Variants in FAM3C observed in about 807,000 individuals in gnomAD.
FAM3C encodes protein FAM3C.
Under a neutral mutation model 32.5 loss-of-function variants are expected in FAM3C, and 15 were observed. That is an observed-to-expected ratio of 0.46 (90% confidence interval 0.31 to 0.71). FAM3C has a LOEUF of 0.71. Ranked by LOEUF, FAM3C falls within the 30% of genes least tolerant of loss-of-function variation. The pLI is 0.05. For missense variants in FAM3C, 175 were observed against 274.4 expected, an observed-to-expected ratio of 0.64 and a Z score of 2.56; for synonymous variants, 75 against 86.1, an observed-to-expected ratio of 0.87 and a Z score of 0.72.
At chr7:121,377,478 T>C (rs1794261625) in intron 3 of FAM3C, among the ~76,000 whole-genome samples, 1 of 152,238 alleles carries the variant, frequency 6.6e-6, no homozygotes, top group African/African-American at 2.4e-5. Context: ...TTTCTAGGGT[T>C]TATAGTATCA....
chr7:121,390,855 G>GA (rs1794561876), intron 1 of FAM3C, among the ~76,000 whole-genome samples: 1 of 18,046 alleles, frequency 5.5e-5, no homozygotes, highest in Admixed American at 2.5e-4. Flanking sequence ...GTGTGGGGCG[G>GA]GGGGGGGGGG....
Position 121,370,301 on chromosome 7 carries a change from T to G in FAM3C, c.272+999A>C, listed in dbSNP as rs1794120087. ...CAAGCCCTTAATTTTACAAGAAAAG[T>G]GTTGTCCCATGAAGCTCAATAAACT... is the stretch of plus-strand genomic sequence containing the variant. On this transcript the variant is annotated intron_variant, in intron 5 of 9. Coordinates refer to ENST00000359943, the MANE Select transcript of FAM3C (RefSeq NM_014888.3). 5.3e-5 allele frequency among the ~76,000 whole-genome samples: 8 copies of G among 152,226 alleles called. No homozygotes were observed. The South Asian group carries it at 1.7e-3, about 32-fold the overall frequency.
intron 8 of FAM3C, among the ~76,000 whole-genome samples, chr7:121,358,222 C>T (rs990710700): frequency 2.0e-5 from 3 of 152,186 alleles, no homozygotes; most frequent in East Asian, 1.9e-4. Context: ...TAAAGTATCA[C>T]TGTTTTCATG....
intron 3 of FAM3C, among the ~76,000 whole-genome samples, chr7:121,378,618 G>A (rs576142741): frequency 6.6e-6 from 1 of 152,244 alleles, no homozygotes; most frequent in East Asian, 1.9e-4. Flanking sequence ...AAGCCTGGAG[G>A]TATTTTATGT....
chr7:121,365,741 A>G (rs1794012482), intron 5 of FAM3C, among the ~76,000 whole-genome samples: 1 of 152,168 alleles, frequency 6.6e-6, no homozygotes, highest in South Asian at 2.1e-4. Context: ...TAAAACAGGA[A>G]CCAACTACAC....
Position 121,351,280 on chromosome 7 carries a change from G to T in FAM3C, c.468-11C>A. 6.2e-7 allele frequency: 1 copy of T among 1,611,980 alleles called. No homozygotes were observed. The highest frequency in any genetic ancestry group is 8.5e-7 in the Non-Finnish European group (1 of 1,178,802). On this transcript the variant is annotated splice_polypyrimidine_tract_variant and intron_variant, in intron 8 of 9. Transcript: ENST00000359943. The stretch of plus-strand genomic sequence containing the variant: ...GCCTCATCATTGAGTCTTGAAGAGG[G>T]AGAGAAAGAATACAACAATAAACAG...
At chr7:121,388,490 A>G (rs1794511536) in intron 1 of FAM3C, among the ~76,000 whole-genome samples, 1 of 152,148 alleles carries the variant, frequency 6.6e-6, no homozygotes, top group African/African-American at 2.4e-5. Flanking sequence ...TTTTCAAAAG[A>G]TCACCAATGA....
At position 121,373,348 on chromosome 7, in the gene FAM3C, T is replaced by C. The variant is rs557124137; in HGVS notation, c.119-1209A>G. 5.9e-5 allele frequency among the ~76,000 whole-genome samples: 9 copies of C among 152,304 alleles called. No homozygotes were observed. The South Asian group carries it at 1.9e-3, about 32-fold the overall frequency. ...CAATACACATCAAAATCAAAAGCCCTGTACTAAGTCTGCAATTCTGAAAAC... is the reference window on the plus strand; with the variant it reads ...CAATACACATCAAAATCAAAAGCCCCGTACTAAGTCTGCAATTCTGAAAAC... On this transcript the variant is annotated intron_variant, in intron 3 of 9. Transcript: ENST00000359943.
At chr7:121,390,266 C>T (rs1438074101) in intron 1 of FAM3C, among the ~76,000 whole-genome samples, 1 of 152,180 alleles carries the variant, frequency 6.6e-6, no homozygotes, top group African/African-American at 2.4e-5. Flanking sequence ...CTTACAACCA[C>T]ATTTTTATTT....
At position 121,349,989 on chromosome 7, in the gene FAM3C, A is replaced by T. The variant is rs2116856668; in HGVS notation, c.*472T>A. ...GTACATCAGGAGAGTCGGACTGTAA[A>T]GTAACATTACACACACAACTAGCCA... On this transcript the variant is annotated 3_prime_UTR_variant, in exon 10 of 10. Transcript: ENST00000359943. 6.7e-6 allele frequency: 1 copy of T among 150,348 alleles called. No homozygotes were observed. Among genetic ancestry groups the T allele is most frequent in the East Asian group, 1.9e-4 (1 of 5,262 alleles). 9.3% of individuals were successfully genotyped at this position (150,348 alleles called of 1,614,324 possible).
At chr7:121,359,283 T>C (rs2536170) in intron 8 of FAM3C, among the ~76,000 whole-genome samples, 38,790 of 151,896 alleles carry the variant, frequency 0.26, 5,944 homozygotes, top group African/African-American at 0.44. Flanking sequence ...TTGGAACTAG[T>C]CTGGGTCCAG....
chr7:121,379,898 T>C (rs139105928), intron 2 of FAM3C, among the ~76,000 whole-genome samples: 1 of 152,292 alleles, frequency 6.6e-6, no homozygotes, highest in Admixed American at 6.5e-5. Flanking sequence ...GAAAGAGCAA[T>C]GAGGAAGTCT....
intron 7 of FAM3C, among the ~76,000 whole-genome samples, chr7:121,361,676 G>A (rs1009687385): frequency 6.6e-6 from 1 of 152,150 alleles, no homozygotes; most frequent in African/African-American, 2.4e-5. Flanking sequence ...AATAATACAC[G>A]GCATCTTTTG....
At chr7:121,360,262 A>G in intron 7 of FAM3C, 135 bp from the exon 8 acceptor site, 1 of 580,904 alleles carries the variant, frequency 1.7e-6, no homozygotes, top group Non-Finnish European at 3.1e-6. Context: ...CAAAAGACAG[A>G]CAAATCTCAT....
At chr7:121,355,357 T>A (rs1303342881) in intron 8 of FAM3C, among the ~76,000 whole-genome samples, 1 of 152,196 alleles carries the variant, frequency 6.6e-6, no homozygotes, top group Non-Finnish European at 1.5e-5. Flanking sequence ...AAATGGGAGA[T>A]GCTAAGACAT....
chr7:121,362,870 G>A, intron 7 of FAM3C, 27 bp downstream of exon 7: 1 of 1,354,558 alleles, frequency 7.4e-7, no homozygotes, highest in Non-Finnish European at 1.1e-6. Flanking sequence ...GCCAGCAAAA[G>A]AACACAGTCA....
At chr7:121,390,853 CGGG>C (rs58750532) in intron 1 of FAM3C, among the ~76,000 whole-genome samples, 5 of 7,464 alleles carry the variant, frequency 6.7e-4, no homozygotes, top group Non-Finnish European at 1.7e-3. Flanking sequence ...CTGTGTGGGG[CGGG>C]GGGGGGGGGG....
chr7:121,371,234 A>T, intron 5 of FAM3C, 66 bp downstream of exon 5: 1 of 1,553,930 alleles, frequency 6.4e-7, no homozygotes, highest in Non-Finnish European at 8.8e-7. Context: ...AATATCCATT[A>T]AACTCAGGTT....
chr7:121,373,945 G>A (rs1265591174), intron 3 of FAM3C, among the ~76,000 whole-genome samples: 4 of 149,608 alleles, frequency 2.7e-5, no homozygotes, highest in African/African-American at 7.4e-5. Flanking sequence ...GTGGTGAGCC[G>A]AGATTGTGCC....
Sources: allele counts gnomAD v4.1 joint callset (sites outside exome capture counted in the v4.1 genomes callset), GRCh38; gene constraint gnomAD v4.1.1; transcripts MANE v1.5; gene names NCBI Gene and HGNC (gene_info 2026-07-23, HGNC 2026-07-21).